MEGF9: variants seen among roughly 807,000 people sequenced by gnomAD.
MEGF9 encodes the protein multiple epidermal growth factor-like domains protein 9.
In MEGF9, 6 loss-of-function variants were observed where a neutral mutation model predicts 46.8. The observed-to-expected ratio is 0.13, with a 90% confidence interval of 0.07 to 0.25. MEGF9 has a LOEUF of 0.25. MEGF9 is among the 10% of genes least tolerant of loss of function. The pLI is 1.00. For synonymous variants in MEGF9, 302 were observed against 330.7 expected (o/e 0.91, Z 0.94); for missense variants, 683 against 792.4 (o/e 0.86, Z 1.66).
At chr9:120,670,312 G>C (rs892405413) in intron 1 of MEGF9, among the ~76,000 whole-genome samples, 6 of 152,092 alleles carry the variant, frequency 3.9e-5, no homozygotes, top group Non-Finnish European at 7.4e-5. Flanking sequence ...GGTCAGGCTG[G>C]TCTCAAACTC....
intron 3 of MEGF9, among the ~76,000 whole-genome samples, chr9:120,618,749 T>C (rs1211914507): frequency 6.6e-6 from 1 of 151,240 alleles, no homozygotes; most frequent in Non-Finnish European, 1.5e-5. Context: ...AATACAAAAA[T>C]TAGCTGGGCG....
chr9:120,623,818 T>G (rs1213217471), intron 2 of MEGF9, among the ~76,000 whole-genome samples: 1 of 152,136 alleles, frequency 6.6e-6, no homozygotes, highest in Non-Finnish European at 1.5e-5. Flanking sequence ...ATAAAGAACA[T>G]AATGTACCTT....
intron 1 of MEGF9, among the ~76,000 whole-genome samples, chr9:120,686,234 G>A (rs572575418): frequency 5.9e-5 from 9 of 152,050 alleles, no homozygotes; most frequent in Non-Finnish European, 1.2e-4. Flanking sequence ...GGGACTACAG[G>A]TGCCCGCCAC....
At chr9:120,649,621 T>C (rs1290207121) in intron 2 of MEGF9, among the ~76,000 whole-genome samples, 1 of 152,230 alleles carries the variant, frequency 6.6e-6, no homozygotes, top group African/African-American at 2.4e-5. Flanking sequence ...ATTTTCTTAC[T>C]TGTTATTAAT....
intron 2 of MEGF9, among the ~76,000 whole-genome samples, chr9:120,651,905 C>A (rs1462793847): frequency 6.6e-6 from 1 of 151,676 alleles, no homozygotes; most frequent in African/African-American, 2.4e-5. Context: ...CCCACCTCGG[C>A]CTCCCAAAGT....
chr9:120,686,822 T>A (rs778201817), intron 1 of MEGF9, among the ~76,000 whole-genome samples: 1 of 152,246 alleles, frequency 6.6e-6, no homozygotes, highest in Non-Finnish European at 1.5e-5. Flanking sequence ...TGGCACACAG[T>A]CTTCCTTCCC....
intron 1 of MEGF9, among the ~76,000 whole-genome samples, chr9:120,699,170 T>C (rs992436542): frequency 6.6e-6 from 1 of 152,164 alleles, no homozygotes; most frequent in Non-Finnish European, 1.5e-5. Context: ...ATAATTTAAA[T>C]GTGGTGAATT....
At chr9:120,636,883 G>A (rs1475996206) in intron 2 of MEGF9, among the ~76,000 whole-genome samples, 2 of 151,126 alleles carry the variant, frequency 1.3e-5, no homozygotes, top group African/African-American at 2.4e-5. Flanking sequence ...CGGCCGCCAC[G>A]TCTGGGAAGT....
intron 3 of MEGF9, among the ~76,000 whole-genome samples, chr9:120,616,533 G>T (rs1274425652): frequency 6.6e-6 from 1 of 151,980 alleles, no homozygotes; most frequent in East Asian, 1.9e-4. Context: ...TAAAAAATTA[G>T]CCGGGAATGG....
At position 120,608,004 on chromosome 9, in the gene MEGF9, C is replaced by T; in HGVS notation, c.1094G>A (p.Ser365Asn). ...TSTGSCSIKSSELEPECDQCK... is the reference protein window; with the variant it reads ...TSTGSCSIKSNELEPECDQCK... ...CTGGTCACATTCAGGTTCCAATTCACTCGATTCTAAAAGAGAGAATGCCAA... is the reference window on the plus strand; with the variant it reads ...CTGGTCACATTCAGGTTCCAATTCATTCGATTCTAAAAGAGAGAATGCCAA... The change falls in exon 5 of 6, where the codon AGT (serine) becomes AAT (asparagine). Residue 365 changes from serine to asparagine, a missense_variant. Physicochemically the swap from Ser to Asn is conservative, Grantham distance 46. Around this residue, in one of 2 missense-constraint regions of MEGF9, gnomAD observed 313 missense variants for 421.1 expected, o/e 0.74. Transcript: ENST00000373930. 6.2e-7 allele frequency: 1 copy of T among 1,613,792 alleles called. No homozygotes were observed. Among genetic ancestry groups the T allele is most frequent in the Admixed American group, 1.7e-5 (1 of 60,028 alleles).
At chr9:120,698,457 G>A (rs1462185711) in intron 1 of MEGF9, among the ~76,000 whole-genome samples, 1 of 152,214 alleles carries the variant, frequency 6.6e-6, no homozygotes, top group African/African-American at 2.4e-5. Context: ...TGGAAGGATA[G>A]GAGGTAGCCT....
chr9:120,619,182 C>A (rs1396054950), intron 3 of MEGF9, among the ~76,000 whole-genome samples: 1 of 151,776 alleles, frequency 6.6e-6, no homozygotes, highest in African/African-American at 2.4e-5. Flanking sequence ...CCCGTCTCTA[C>A]TAAAAATACA....
intron 4 of MEGF9, among the ~76,000 whole-genome samples, chr9:120,610,192 GA>G (rs1216538657): frequency 6.6e-6 from 1 of 152,048 alleles, no homozygotes; most frequent in Non-Finnish European, 1.5e-5. Flanking sequence ...TAATATGCAG[GA>G]AAAAAATTCT....
chr9:120,620,344 G>A (rs1387530552), intron 3 of MEGF9, among the ~76,000 whole-genome samples: 3 of 151,922 alleles, frequency 2.0e-5, no homozygotes, highest in Non-Finnish European at 4.4e-5. Flanking sequence ...TCCTCTGTAC[G>A]CCTTTCCATT....
chr9:120,697,131 G>C (rs1027778297), intron 1 of MEGF9, among the ~76,000 whole-genome samples: 1 of 152,188 alleles, frequency 6.6e-6, no homozygotes, highest in Non-Finnish European at 1.5e-5. Context: ...CGCCCAGGCT[G>C]GAGTACAGTG....
intron 2 of MEGF9, among the ~76,000 whole-genome samples, chr9:120,649,509 A>T (rs2043640410): frequency 6.6e-6 from 1 of 152,104 alleles, no homozygotes; most frequent in South Asian, 2.1e-4. Flanking sequence ...GCACCCTATG[A>T]TGGAATGGTG....
chr9:120,652,142 G>GCGCA (rs1410681150), intron 2 of MEGF9, among the ~76,000 whole-genome samples: 4 of 26,138 alleles, frequency 1.5e-4, no homozygotes, highest in African/African-American at 5.4e-4. Context: ...AAACAAACAA[G>GCGCA]CACACACACA....
rs771311729 is a variant in MEGF9 at position 120,659,544 on chromosome 9, G to T, written c.633C>A (p.Ser211Arg). The change falls in exon 2 of 6, where the codon AGC becomes AGA. Residue 211 changes from serine (S) to arginine (R), a missense_variant. Physicochemically the swap from Ser to Arg is moderately radical, Grantham distance 110. This residue lies in a region of MEGF9 where 370 missense variants were observed against 371.3 expected (regional missense o/e 1.00). Transcript: ENST00000373930. ...TCTGGTTGCAGCGATTCACATTCAG[G>T]CTTCCAACCACAGAGCAGTTACATA... is the stretch of plus-strand genomic sequence containing the variant. ...EYVCNCSVVG[S>R]LNVNRCNQTT... is the part of the protein sequence containing the mutation. 1 of 1,613,080 alleles carries T rather than the reference G, an allele frequency of 6.2e-7. No homozygotes were observed. The highest frequency in any genetic ancestry group is 8.5e-7 in the Non-Finnish European group (1 of 1,179,562).
rs189662478 is a variant in MEGF9, at chr9:120,705,096, C to T, written c.601+8662G>A. On this transcript the variant is annotated intron_variant, in intron 1 of 5. Transcript: ENST00000373930. ...ATAAGTTGGACAATAAAGAAGACCC[C>T]AGTGGAAAAAGAAAATCTTTTCTCC... is the stretch of plus-strand genomic sequence containing the variant. Among the ~76,000 whole-genome samples the T allele has an allele frequency of 5.9e-4, 90 of 151,904 alleles. 1 individual carries two copies. Among genetic ancestry groups the T allele is most frequent in the Admixed American group, 5.4e-3 (83 of 15,242 alleles).
Sources: gnomAD v4.1 joint callset for allele counts (sites outside exome capture counted in the v4.1 genomes callset) on GRCh38, gnomAD v4.1.1 for gene constraint, gnomAD v4.1.1 regional missense constraint, MANE v1.5 for transcripts, NCBI Gene and HGNC (gene_info 2026-07-23, HGNC 2026-07-21) for gene names.